The following CNOT2 variants were observed in gnomAD, a reference collection of about 807,000 sequenced individuals.
CNOT2 encodes CC chemokine receptor 4-negative regulator of transcription 2.
In CNOT2, 7 loss-of-function variants were observed where a neutral mutation model predicts 72.1. That is an observed-to-expected ratio of 0.10 (90% confidence interval 0.06 to 0.18). The LOEUF (loss-of-function observed/expected upper bound fraction) is 0.18, where lower values mean the gene tolerates loss of function less well. Among genes scored for constraint, CNOT2 ranks in the 10% least tolerant of loss-of-function variants. The pLI is 1.00. For synonymous variants in CNOT2, 196 were observed against 225.6 expected, an observed-to-expected ratio of 0.87 and a Z score of 1.17; for missense variants, 345 against 660.3, an observed-to-expected ratio of 0.52 and a Z score of 5.23.
At chr12:70,329,644 A>G in intron 5 of CNOT2, 74 bp downstream of exon 5, 1 of 1,075,086 alleles carries the variant, frequency 9.3e-7, no homozygotes, top group South Asian at 1.3e-5. Context: ...TTTTTTAATA[A>G]GGTAATTAAT....
At chr12:70,327,094 G>C (rs1470661669) in intron 4 of CNOT2, among the ~76,000 whole-genome samples, 1 of 151,852 alleles carries the variant, frequency 6.6e-6, no homozygotes, top group Non-Finnish European at 1.5e-5. Context: ...AGACTTGAAG[G>C]AGTCAAATCT....
chr12:70,250,034 A>G (rs1284230052), intron 1 of CNOT2, among the ~76,000 whole-genome samples: 1 of 152,158 alleles, frequency 6.6e-6, no homozygotes, highest in Non-Finnish European at 1.5e-5. Flanking sequence ...ACTATTTGCT[A>G]CAGCAAACCG....
chr12:70,333,869 G>A (rs1880301324), intron 7 of CNOT2, among the ~76,000 whole-genome samples: 1 of 151,800 alleles, frequency 6.6e-6, no homozygotes, highest in Non-Finnish European at 1.5e-5. Flanking sequence ...TTGAAATCAG[G>A]CTACATCTGC....
chr12:70,310,865 A>T (rs781387012), intron 2 of CNOT2, 30 bp from the exon 3 acceptor site: 1 of 1,603,380 alleles, frequency 6.2e-7, no homozygotes, highest in East Asian at 2.2e-5. Flanking sequence ...CCAAAGTATT[A>T]CCCCTGATAA....
intron 14 of CNOT2, 69 bp downstream of exon 14, chr12:70,344,297 G>A (rs771431928): frequency 2.2e-6 from 2 of 898,882 alleles, no homozygotes; most frequent in East Asian, 4.9e-5. Context: ...ACATCTTTAA[G>A]TGATGATGGC....
rs1051182255 is a variant in CNOT2 at position 70,344,411 on chromosome 12, T to C, written c.1391+183T>C. 9.8e-6 allele frequency: 5 copies of C among 508,072 alleles called. No homozygotes were observed. The Admixed American group carries it at 1.8e-4, about 19-fold the overall frequency. 31.5% of individuals were successfully genotyped at this position (508,072 alleles called of 1,614,324 possible). On this transcript the variant is annotated intron_variant, in intron 14 of 15. Coordinates refer to ENST00000229195, the MANE Select transcript of CNOT2 (RefSeq NM_014515.7). ...GTATCTTAACCATGGCTTCATAATC[T>C]ATATACCTAAAAAGAATTTCAAACT... is the stretch of plus-strand genomic sequence containing the variant.
intron 1 of CNOT2, among the ~76,000 whole-genome samples, chr12:70,263,901 G>C (rs1389718195): frequency 3.3e-5 from 5 of 152,184 alleles, no homozygotes; most frequent in African/African-American, 1.2e-4. Context: ...GCCGTGTGAA[G>C]TGCCTGATGT....
intron 2 of CNOT2, among the ~76,000 whole-genome samples, chr12:70,293,603 G>A (rs1872319037): frequency 6.6e-6 from 1 of 152,154 alleles, no homozygotes; most frequent in Non-Finnish European, 1.5e-5. Flanking sequence ...GCATGGAGCA[G>A]TTAAGAAATT....
chr12:70,303,748 A>G (rs527691426), intron 2 of CNOT2, among the ~76,000 whole-genome samples: 1 of 152,152 alleles, frequency 6.6e-6, no homozygotes, highest in African/African-American at 2.4e-5. Flanking sequence ...TATTTCCTGA[A>G]TGTGAATGTT....
chr12:70,312,921 C>T (rs1324585374), intron 3 of CNOT2, among the ~76,000 whole-genome samples: 1 of 151,888 alleles, frequency 6.6e-6, no homozygotes, highest in East Asian at 1.9e-4. Context: ...GAAATAATTG[C>T]TAAAATTCTA....
chr12:70,310,195 G>A (rs1876214525), intron 2 of CNOT2, among the ~76,000 whole-genome samples: 1 of 152,018 alleles, frequency 6.6e-6, no homozygotes, highest in African/African-American at 2.4e-5. Flanking sequence ...TCCATGAGGG[G>A]AGAGGTCCTA....
chr12:70,264,235 C>G (rs191898055), intron 1 of CNOT2, among the ~76,000 whole-genome samples: 1 of 152,276 alleles, frequency 6.6e-6, no homozygotes, highest in Admixed American at 6.5e-5. Context: ...CTTCCCAGTT[C>G]TCTTTGGTAC....
intron 4 of CNOT2, among the ~76,000 whole-genome samples, chr12:70,328,666 G>C (rs2136017860): frequency 6.6e-6 from 1 of 151,268 alleles, no homozygotes; most frequent in Middle Eastern, 3.4e-3. Flanking sequence ...TTTATCCACA[G>C]TGGTTTTGTT....
intron 4 of CNOT2, chr12:70,323,166 C>T (rs79215556): frequency 0.095 from 14,462 of 151,638 alleles, 895 homozygotes; most frequent in Middle Eastern, 0.19. Flanking sequence ...TGGGTCCCTA[C>T]CATACATGTT....
chr12:70,254,403 A>G (rs938012737), intron 1 of CNOT2, among the ~76,000 whole-genome samples: 1 of 152,138 alleles, frequency 6.6e-6, no homozygotes, highest in African/African-American at 2.4e-5. Context: ...CAAGGATATC[A>G]TGTCCCAGGT....
At chr12:70,243,614 G>A (rs1957680776) in intron 1 of CNOT2, 134 bp downstream of exon 1, 1 of 151,866 alleles carries the variant, frequency 6.6e-6, no homozygotes, top group South Asian at 2.1e-4. Context: ...GTAGCGTCCC[G>A]GCCCACCGCT....
At chr12:70,281,363 G>A (rs756160368) in intron 2 of CNOT2, among the ~76,000 whole-genome samples, 38 of 152,256 alleles carry the variant, frequency 2.5e-4, no homozygotes, top group Admixed American at 3.9e-4. Flanking sequence ...GATTACAGGC[G>A]TGAGCCACCG....
At chr12:70,319,423 C>T (rs1251604349) in intron 4 of CNOT2, 59 bp downstream of exon 4, 1 of 1,487,736 alleles carries the variant, frequency 6.7e-7, no homozygotes, top group African/African-American at 1.4e-5. Context: ...AAGTAACTAC[C>T]AAATAAAGAA....
Position 70,292,370 on chromosome 12 carries a change from C to A in CNOT2, c.48+14096C>A, listed in dbSNP as rs117398086. Among the ~76,000 whole-genome samples the A allele has an allele frequency of 9.4e-3, 1,432 of 152,138 alleles. 6 individuals carry two copies. Among genetic ancestry groups the A allele is most frequent in the Middle Eastern group, 0.02 (6 of 294 alleles). On this transcript the variant is annotated intron_variant, in intron 2 of 15. Coordinates refer to ENST00000229195, the MANE Select transcript of CNOT2 (RefSeq NM_014515.7). Reference sequence around the variant, plus strand: ...AGGATAAGTCTCGGATTGGAGAAGACTAAGGAAATGTAAAACTAAATGTAA... The same window carrying A: ...AGGATAAGTCTCGGATTGGAGAAGAATAAGGAAATGTAAAACTAAATGTAA...
Sources: gnomAD v4.1 joint callset for allele counts (sites outside exome capture counted in the v4.1 genomes callset) on GRCh38, gnomAD v4.1.1 for gene constraint, MANE v1.5 for transcripts, NCBI Gene and HGNC (gene_info 2026-07-23, HGNC 2026-07-21) for gene names.